CADM1: variants seen among roughly 807,000 people sequenced by gnomAD.
CADM1 encodes cell adhesion molecule 1, also known as TSLC-1.
Under a neutral mutation model 53.1 loss-of-function variants are expected in CADM1, and 15 were observed. That is an observed-to-expected ratio of 0.28 (90% confidence interval 0.19 to 0.44). CADM1 has a LOEUF of 0.44. Among genes scored for constraint, CADM1 ranks in the 20% least tolerant of loss-of-function variants. The probability of loss-of-function intolerance (pLI) is 1.00; values close to 1 mark genes in which losing one functional copy is unlikely to be tolerated. For synonymous variants in CADM1, 281 were observed against 243.0 expected (o/e 1.16, Z -1.45); for missense variants, 434 against 611.3 (o/e 0.71, Z 3.06).
chr11:115,354,865 TTAATTA>T (rs1273036638), intron 1 of CADM1, among the ~76,000 whole-genome samples: 2 of 152,152 alleles, frequency 1.3e-5, no homozygotes, highest in African/African-American at 4.8e-5. Flanking sequence ...AATAATTAAC[TTAATTA>T]TAAGATTTTA....
chr11:115,499,035 GAA>G (rs1252303049), intron 1 of CADM1, among the ~76,000 whole-genome samples: 3 of 150,584 alleles, frequency 2.0e-5, no homozygotes, highest in African/African-American at 4.9e-5. Flanking sequence ...AATAAAATGG[GAA>G]AAAAGAAAAA....
At chr11:115,450,485 G>A (rs528274400) in intron 1 of CADM1, among the ~76,000 whole-genome samples, 18 of 152,244 alleles carry the variant, frequency 1.2e-4, no homozygotes, top group African/African-American at 4.1e-4. Context: ...GTTATTGAAC[G>A]TTTCATTGAA....
At chr11:115,329,491 G>A (rs1311116094) in intron 1 of CADM1, among the ~76,000 whole-genome samples, 1 of 152,102 alleles carries the variant, frequency 6.6e-6, no homozygotes, top group African/African-American at 2.4e-5. Flanking sequence ...TTGGGCTGCT[G>A]CATGCTCTAA....
intron 1 of CADM1, among the ~76,000 whole-genome samples, chr11:115,339,558 C>G (rs1287684252): frequency 6.6e-6 from 1 of 152,096 alleles, no homozygotes; most frequent in Admixed American, 6.6e-5. Flanking sequence ...TTTTCTCATA[C>G]CTGCTTCATA....
rs186099472 is a variant in CADM1, at chr11:115,313,802, G to A, written c.125-73382C>T. ...TTCTCCTTCCTCCTTCTGGGAAGCT[G>A]AAACAGTAACACCAGAGTGCCTCCA... On this transcript the variant is annotated intron_variant, in intron 1 of 11. Coordinates refer to ENST00000331581, the MANE Select transcript of CADM1 (RefSeq NM_001301043.2). Among the ~76,000 whole-genome samples the A allele has an allele frequency of 3.3e-5, 5 of 152,250 alleles. No homozygotes were observed. The East Asian group carries it at 9.7e-4, about 29-fold the overall frequency.
intron 1 of CADM1, among the ~76,000 whole-genome samples, chr11:115,393,982 GA>G (rs1212652565): frequency 6.6e-6 from 1 of 152,078 alleles, no homozygotes; most frequent in Non-Finnish European, 1.5e-5. Flanking sequence ...ATGGTCAGAA[GA>G]AAAAACTACC....
chr11:115,223,835 G>T (rs972230974), intron 5 of CADM1, among the ~76,000 whole-genome samples: 2 of 151,826 alleles, frequency 1.3e-5, no homozygotes, highest in Non-Finnish European at 2.9e-5. Context: ...TTCAATCGGG[G>T]TTCTTCATTC....
chr11:115,409,656 A>G (rs1478255359), intron 1 of CADM1, among the ~76,000 whole-genome samples: 1 of 152,056 alleles, frequency 6.6e-6, no homozygotes, highest in Non-Finnish European at 1.5e-5. Context: ...TAATCCACGG[A>G]GAATGCATGC....
At chr11:115,367,187 C>T (rs1302491734) in intron 1 of CADM1, among the ~76,000 whole-genome samples, 3 of 152,140 alleles carry the variant, frequency 2.0e-5, no homozygotes, top group African/African-American at 7.2e-5. Flanking sequence ...GAATAGCCAC[C>T]GCACTTCAGT....
chr11:115,441,220 G>T (rs1218137927), intron 1 of CADM1, among the ~76,000 whole-genome samples: 1 of 151,966 alleles, frequency 6.6e-6, no homozygotes, highest in Non-Finnish European at 1.5e-5. Context: ...TATACATGCT[G>T]GCTGAGGGCT....
chr11:115,431,395 AC>A (rs1357537902), intron 1 of CADM1, among the ~76,000 whole-genome samples: 6 of 151,940 alleles, frequency 3.9e-5, no homozygotes, highest in Admixed American at 2.6e-4. Context: ...CCACCCTAAT[AC>A]AAGCCACTGT....
At chr11:115,327,286 C>T (rs919808960) in intron 1 of CADM1, among the ~76,000 whole-genome samples, 3 of 152,068 alleles carry the variant, frequency 2.0e-5, no homozygotes, top group Non-Finnish European at 4.4e-5. Flanking sequence ...CGACCCAAGC[C>T]TCTCTCTCCA....
At chr11:115,465,190 G>A (rs1459886074) in intron 1 of CADM1, among the ~76,000 whole-genome samples, 1 of 152,076 alleles carries the variant, frequency 6.6e-6, no homozygotes, top group Non-Finnish European at 1.5e-5. Flanking sequence ...GCCTATGAGT[G>A]CTACTACCTC....
At chr11:115,296,104 C>A (rs1039867326) in intron 1 of CADM1, among the ~76,000 whole-genome samples, 1 of 152,078 alleles carries the variant, frequency 6.6e-6, no homozygotes, top group Middle Eastern at 3.2e-3. Context: ...GTGAGTGCAC[C>A]CATGCCCAGC....
At chr11:115,292,904 A>G (rs146840068) in intron 1 of CADM1, among the ~76,000 whole-genome samples, 1 of 152,354 alleles carries the variant, frequency 6.6e-6, no homozygotes, top group East Asian at 1.9e-4. Flanking sequence ...TTAGGAGACA[A>G]GGACGCCCCT....
At chr11:115,428,093 G>A (rs562531459) in intron 1 of CADM1, among the ~76,000 whole-genome samples, 2 of 151,568 alleles carry the variant, frequency 1.3e-5, no homozygotes, top group Non-Finnish European at 2.9e-5. Flanking sequence ...CCAAATGTTG[G>A]CAAAGGGCTA....
chr11:115,500,195 G>T (rs1261886000), intron 1 of CADM1, among the ~76,000 whole-genome samples: 2 of 152,086 alleles, frequency 1.3e-5, no homozygotes, highest in Admixed American at 1.3e-4. Flanking sequence ...GATTTATTTT[G>T]AATTTTCTTC....
chr11:115,364,429 T>C (rs1946106368), intron 1 of CADM1, among the ~76,000 whole-genome samples: 1 of 152,166 alleles, frequency 6.6e-6, no homozygotes, highest in African/African-American at 2.4e-5. Context: ...ATTCCTTCCA[T>C]GTATTCCCAA....
intron 1 of CADM1, among the ~76,000 whole-genome samples, chr11:115,423,357 C>T (rs1947808686): frequency 6.6e-6 from 1 of 152,082 alleles, no homozygotes; most frequent in African/African-American, 2.4e-5. Context: ...TGTACTTGCC[C>T]CAGGAGAAAC....
Sources: allele counts gnomAD v4.1 joint callset (sites outside exome capture counted in the v4.1 genomes callset), GRCh38; gene constraint gnomAD v4.1.1; transcripts MANE v1.5; gene names NCBI Gene and HGNC (gene_info 2026-07-23, HGNC 2026-07-21).